The following LATS1 variants were observed in gnomAD, a reference collection of about 807,000 sequenced individuals.
LATS1 encodes the protein large tumor suppressor kinase 1, also known as serine/threonine-protein kinase LATS1.
In LATS1, 25 loss-of-function variants were observed where a neutral mutation model predicts 106.6. The ratio of observed to expected loss-of-function variants is 0.23; its 90% confidence interval spans 0.17 to 0.33. The LOEUF is 0.33. LATS1 is among the 10% of genes least tolerant of loss of function. The pLI, the probability that LATS1 is intolerant of heterozygous loss-of-function variation, is 1.00. For synonymous variants in LATS1, 465 were observed against 455.6 expected (o/e 1.02, Z -0.26); for missense variants, 1,040 against 1,382.6 (o/e 0.75, Z 3.93).
chr6:149,691,651 C>T (rs754344584), intron 3 of LATS1, among the ~76,000 whole-genome samples: 5 of 152,090 alleles, frequency 3.3e-5, no homozygotes, highest in Non-Finnish European at 7.4e-5. Context: ...CAGGTTTACC[C>T]CTTCCTACTA....
intron 7 of LATS1, among the ~76,000 whole-genome samples, chr6:149,662,827 A>G (rs891902943): frequency 6.6e-6 from 1 of 151,864 alleles, no homozygotes; most frequent in Non-Finnish European, 1.5e-5. Context: ...TTAGCCAGGT[A>G]TGGTGGCATG....
chr6:149,679,751 C>T (rs1781934744), intron 5 of LATS1, 124 bp downstream of exon 5: 2 of 678,872 alleles, frequency 2.9e-6, no homozygotes, highest in Non-Finnish European at 4.9e-6. Flanking sequence ...GTTTATCCAA[C>T]AGAATCAAGA....
At chr6:149,697,425 A>G (rs1783165474) in intron 2 of LATS1, among the ~76,000 whole-genome samples, 1 of 152,190 alleles carries the variant, frequency 6.6e-6, no homozygotes, top group Admixed American at 6.5e-5. Flanking sequence ...TGCCACCAAG[A>G]AGTAAAATTT....
rs1274605893 is a variant in LATS1, at chr6:149,676,710, T to A, written c.2621A>T (p.Asp874Val). 1 of 1,613,682 alleles carries A rather than the reference T, an allele frequency of 6.2e-7. No homozygotes were observed. The highest frequency in any genetic ancestry group is 1.1e-5 in the South Asian group (1 of 91,024). Reference protein sequence around the residue: ...SGDHPRQDSMDFSNEWGDPSS... With the variant: ...SGDHPRQDSMVFSNEWGDPSS... ...GGGATCCCCCCATTCATTACTGAAA[T>A]CCATGCTATCTTGCCGTGGATGGTC... is the stretch of plus-strand genomic sequence containing the variant. Residue 874 changes from aspartate to valine, a missense_variant, in exon 6 of 8, where the codon GAT becomes GTT. By Grantham distance (152) the Asp-to-Val change is radical (BLOSUM62 -3). Coordinates refer to ENST00000543571, the MANE Select transcript of LATS1 (RefSeq NM_004690.4).
chr6:149,666,304 T>TA (rs1206319911), intron 7 of LATS1, among the ~76,000 whole-genome samples: 1 of 151,912 alleles, frequency 6.6e-6, no homozygotes, highest in Non-Finnish European at 1.5e-5. Context: ...ATGCTAGAAT[T>TA]TTCTGACAAA....
chr6:149,672,563 A>G (rs923032651), intron 7 of LATS1, among the ~76,000 whole-genome samples: 1 of 152,036 alleles, frequency 6.6e-6, no homozygotes, highest in African/African-American at 2.4e-5. Context: ...TTCTAGATTT[A>G]TAACAAAGTA....
chr6:149,689,971 TA>T (rs148115943), intron 3 of LATS1, among the ~76,000 whole-genome samples: 1,518 of 143,952 alleles, frequency 0.011, 20 homozygotes, highest in African/African-American at 0.033. Context: ...AGTCTTTACT[TA>T]AAAAAAAAAA....
intron 1 of LATS1, among the ~76,000 whole-genome samples, chr6:149,705,906 A>C (rs1285291886): frequency 1.3e-5 from 2 of 152,014 alleles, no homozygotes; most frequent in Non-Finnish European, 2.9e-5. Context: ...TTCCTGAGCC[A>C]GGCACAGTGG....
At chr6:149,677,281 T>G (rs542623312) in intron 5 of LATS1, among the ~76,000 whole-genome samples, 1 of 152,270 alleles carries the variant, frequency 6.6e-6, no homozygotes, top group East Asian at 1.9e-4. Flanking sequence ...TGACTTCAGC[T>G]AAACCGTAAA....
chr6:149,718,062 T>A lies in LATS1; in HGVS notation c.-354A>T. 3.1e-6 allele frequency: 1 copy of A among 323,524 alleles called. No individual in the cohort carries two copies. The highest frequency in any genetic ancestry group is 6.0e-6 in the Non-Finnish European group (1 of 166,838). The allele number at this position is 323,524 out of a possible 1,614,324, so 20.0% of individuals were successfully genotyped here. On this transcript the variant is annotated 5_prime_UTR_variant, in exon 1 of 8. An upstream start codon of the reference 5' UTR is lost. Coordinates refer to ENST00000543571, the MANE Select transcript of LATS1 (RefSeq NM_004690.4). ...CAGGCCACCGCCGCCGCCGCCGCCA[T>A]TTTGCCTTCCACTCAGTGTCGCCGC...
chr6:149,669,596 C>T (rs1252593837), intron 7 of LATS1, among the ~76,000 whole-genome samples: 1 of 151,474 alleles, frequency 6.6e-6, no homozygotes, highest in Non-Finnish European at 1.5e-5. Context: ...GTCTTGATTA[C>T]AAAATAATAA....
chr6:149,688,950 C>A (rs1365364685), intron 3 of LATS1, among the ~76,000 whole-genome samples: 2 of 151,824 alleles, frequency 1.3e-5, no homozygotes, highest in Non-Finnish European at 2.9e-5. Context: ...GGCGGATCAC[C>A]TGAGGTCAGG....
chr6:149,678,164 C>CAAAAAAAAAAAAA lies in LATS1; in HGVS notation c.2594-1440_2594-1428dup, dbSNP rs56884854. Among the ~76,000 whole-genome samples the CAAAAAAAAAAAAA allele has an allele frequency of 4.4e-3, 192 of 43,478 alleles. 55 individuals are homozygous for CAAAAAAAAAAAAA. The highest frequency in any genetic ancestry group is 5.7e-3 in the Admixed American group (19 of 3,354). The allele number at this position is 43,478 out of a possible 152,430, so 28.5% of individuals were successfully genotyped here. On this transcript the variant is annotated intron_variant, in intron 5 of 7. Transcript: ENST00000543571. ...TGAAACCTGGTCTCTACTAAAAATC[C>CAAAAAAAAAAAAA]AAAAAAAAAAAAAAAAAAAAAAAAA...
At chr6:149,682,617 T>G (rs1257914597) in intron 4 of LATS1, among the ~76,000 whole-genome samples, 5 of 152,186 alleles carry the variant, frequency 3.3e-5, no homozygotes, top group African/African-American at 9.6e-5. Context: ...GGTTTCACTG[T>G]GTTAGGCAGG....
chr6:149,691,041 C>G (rs893321590), intron 3 of LATS1, among the ~76,000 whole-genome samples: 4 of 152,020 alleles, frequency 2.6e-5, no homozygotes, highest in African/African-American at 9.7e-5. Flanking sequence ...AGTCCTCAAC[C>G]CACTCCAATC....
In LATS1 at chr6:149,659,048, A is replaced by G. The variant is rs1386815975; in HGVS notation, c.*2681T>C. On this transcript the variant is annotated 3_prime_UTR_variant, in exon 8 of 8. Transcript: ENST00000543571. ...CACCAGATTCTATACTGGAAGAAGT[A>G]GATGTAGTTTTGGAATAAGATAGCT... 3 of 153,136 alleles carry G rather than the reference A, an allele frequency of 2.0e-5. No individual in the cohort carries two copies. The highest frequency in any genetic ancestry group is 4.4e-5 in the Non-Finnish European group (3 of 68,602). The allele number at this position is 153,136 out of a possible 1,614,324, so 9.5% of individuals were successfully genotyped here. A position where few individuals can be genotyped will look rare whatever the true frequency, so the allele number is the denominator to read the frequency against.
chr6:149,662,916 T>C (rs867759430), intron 7 of LATS1, among the ~76,000 whole-genome samples: 5 of 143,988 alleles, frequency 3.5e-5, no homozygotes, highest in Admixed American at 7.3e-5. Flanking sequence ...CAGTGAGCCA[T>C]GACTGCACCA....
At chr6:149,712,288 C>A (rs1395241521) in intron 1 of LATS1, among the ~76,000 whole-genome samples, 1 of 152,182 alleles carries the variant, frequency 6.6e-6, no homozygotes, top group Non-Finnish European at 1.5e-5. Flanking sequence ...ACCTCCACCT[C>A]CCGGGTTCAA....
At chr6:149,664,174 AAG>A (rs1554229175) in intron 7 of LATS1, among the ~76,000 whole-genome samples, 1 of 151,722 alleles carries the variant, frequency 6.6e-6, no homozygotes, top group Non-Finnish European at 1.5e-5. Flanking sequence ...AAAAAAAAAA[AAG>A]AGCACAGCAA....
Sources: gnomAD v4.1 joint callset for allele counts (sites outside exome capture counted in the v4.1 genomes callset) on GRCh38, gnomAD v4.1.1 for gene constraint, MANE v1.5 for transcripts, NCBI Gene and HGNC (gene_info 2026-07-23, HGNC 2026-07-21) for gene names.